EMC3: variants seen among roughly 807,000 people sequenced by gnomAD.
EMC3 encodes 30 kDa protein.
A neutral mutation model predicts 36.6 loss-of-function variants in EMC3; 13 were observed. That is an observed-to-expected ratio of 0.35 (90% CI 0.23 to 0.56). The LOEUF (loss-of-function observed/expected upper bound fraction) is 0.56. EMC3 is among the 20% of genes least tolerant of loss of function. The pLI is 0.84. For synonymous variants in EMC3, 120 were observed against 111.9 expected, an observed-to-expected ratio of 1.07 and a Z score of -0.46; for missense variants, 220 against 324.5, an observed-to-expected ratio of 0.68 and a Z score of 2.47.
At chr3:9,994,080 G>C (rs2086091890) in intron 1 of EMC3, 1 of 1,171,336 alleles carries the variant, frequency 8.5e-7, no homozygotes, top group Non-Finnish European at 1.3e-6. Context: ...GTTAAAATGA[G>C]AGTTGGGGAA....
upstream of EMC3, among the ~76,000 whole-genome samples, chr3:9,989,290 C>T (rs1379494937): frequency 6.6e-6 from 1 of 152,198 alleles, no homozygotes; most frequent in African/African-American, 2.4e-5. Context: ...GTGGCTCACG[C>T]CTATAATCCC....
chr3:9,998,649 T>C (rs1431151221), intron 1 of EMC3, among the ~76,000 whole-genome samples: 3 of 152,122 alleles, frequency 2.0e-5, no homozygotes, highest in African/African-American at 4.8e-5. Flanking sequence ...TCATTGTGGT[T>C]TGATTTGCAT....
At chr3:9,987,226 A>AAG (rs2085986855), upstream of EMC3, 1 of 984,792 alleles carries the variant, frequency 1.0e-6, no homozygotes, top group South Asian at 4.7e-5. Flanking sequence ...AAAAAAAAAA[A>AAG]AAAAAAGAAA....
upstream of EMC3, chr3:9,988,140 G>C (rs61678284): frequency 3.7e-6 from 2 of 546,612 alleles, no homozygotes; most frequent in Non-Finnish European, 6.6e-6. Context: ...TTTACATCTA[G>C]TATTATATCG....
At chr3:10,008,266 G>A (rs2086286107) in intron 1 of EMC3, 2 of 557,820 alleles carry the variant, frequency 3.6e-6, no homozygotes, top group Non-Finnish European at 6.0e-6. Flanking sequence ...TGTGACCTGT[G>A]GTAGAGCTTG....
rs764501701 is a variant in EMC3 at position 9,964,171 on chromosome 3, C to T, written c.684G>A (p.Thr228=). Residue 228 remains threonine, a synonymous_variant, in exon 8 of 8, where the codon ACG becomes ACA. Transcript: ENST00000245046. ...FKTEWEALEL[T]DHQWALDDVE... ...CATCATCTAGTGCCCACTGGTGATC[C>T]GTCAGCTCCAAAGCTTCCCACTCTG... 41 of 1,613,998 alleles carry T rather than the reference C, an allele frequency of 2.5e-5. No individual in the cohort carries two copies. Among genetic ancestry groups the T allele is most frequent in the South Asian group, 1.8e-4 (16 of 91,080 alleles).
intron 1 of EMC3, among the ~76,000 whole-genome samples, chr3:9,984,035 C>T (rs1432683193): frequency 6.6e-6 from 1 of 151,868 alleles, no homozygotes; most frequent in Non-Finnish European, 1.5e-5. Flanking sequence ...CTGAGCTTTC[C>T]CCACTTCGCA....
At chr3:10,010,546 C>T (rs1291473254) in intron 1 of EMC3, 1 of 152,730 alleles carries the variant, frequency 6.5e-6, no homozygotes, top group East Asian at 1.9e-4. Context: ...CCTGGTGTTT[C>T]CGTCATAGCC....
At chr3:9,984,074 A>G (rs2081077608) in intron 1 of EMC3, among the ~76,000 whole-genome samples, 1 of 151,874 alleles carries the variant, frequency 6.6e-6, no homozygotes. Flanking sequence ...TTCTGTGGTA[A>G]ATACACTTTT....
rs149744256 is a variant in EMC3, at chr3:10,003,397, C to T, written c.-242+7626G>A. 312 of 361,262 alleles carry T rather than the reference C, an allele frequency of 8.6e-4. 1 individual carries two copies. Among genetic ancestry groups the T allele is most frequent in the Non-Finnish European group, 1.4e-3 (263 of 183,374 alleles). 22.4% of individuals were successfully genotyped at this position (361,262 alleles called of 1,614,324 possible). On this transcript the variant is annotated intron_variant, in intron 1 of 8. Coordinates refer to the EMC3 transcript ENST00000470827. ...ATAAGATGACCCCAACATAGTTGCACGGCTGAAGACAAAAATCAAGTTGGT... is the reference window on the plus strand; with the variant it reads ...ATAAGATGACCCCAACATAGTTGCATGGCTGAAGACAAAAATCAAGTTGGT...
intron 5 of EMC3, 91 bp downstream of exon 5, chr3:9,973,537 C>T (rs1296416377): frequency 7.8e-6 from 9 of 1,157,456 alleles, no homozygotes. Context: ...GTTGCCCAGG[C>T]TGGTCTCAAA....
chr3:10,007,341 C>G, intron 1 of EMC3: 1 of 1,336,046 alleles, frequency 7.5e-7, no homozygotes, highest in South Asian at 1.2e-5. Context: ...CTGCCTGTGT[C>G]AATCATGCTG....
At chr3:9,993,883 C>T (rs74650336) in intron 1 of EMC3, among the ~76,000 whole-genome samples, 745 of 106,530 alleles carry the variant, frequency 7.0e-3, no homozygotes, top group African/African-American at 7.2e-3. Context: ...ATGAGGAAAC[C>T]GGGATTTAGA....
chr3:9,987,678 A>T (rs2085994384), upstream of EMC3: 15 of 331,400 alleles, frequency 4.5e-5, 1 homozygote, highest in South Asian at 4.5e-4. Context: ...AGCTGCTATA[A>T]GTTACATTTA....
At chr3:9,976,277 TG>T (rs1162604252) in intron 3 of EMC3, among the ~76,000 whole-genome samples, 1 of 152,034 alleles carries the variant, frequency 6.6e-6, no homozygotes, top group African/African-American at 2.4e-5. Flanking sequence ...GGCTAATTTT[TG>T]TATTTTTAGT....
chr3:9,973,185 G>GTTTT (rs199556467), intron 5 of EMC3, among the ~76,000 whole-genome samples: 21 of 148,068 alleles, frequency 1.4e-4, no homozygotes, highest in African/African-American at 5.0e-4. Context: ...TTTTGTTTTC[G>GTTTT]TTTTTTGTTT....
At chr3:9,985,150 T>C (rs531294150) in intron 1 of EMC3, among the ~76,000 whole-genome samples, 2 of 152,354 alleles carry the variant, frequency 1.3e-5, no homozygotes, top group Non-Finnish European at 1.5e-5. Flanking sequence ...TAATACTTTT[T>C]ATATATCAAC....
chr3:10,006,012 C>T (rs1399481388), intron 1 of EMC3, among the ~76,000 whole-genome samples: 1 of 152,192 alleles, frequency 6.6e-6, no homozygotes, highest in African/African-American at 2.4e-5. Flanking sequence ...GGGCAGAAGA[C>T]CGCCATTCTT....
chr3:9,966,844 G>A (rs2085740615), intron 7 of EMC3, among the ~76,000 whole-genome samples: 2 of 152,124 alleles, frequency 1.3e-5, no homozygotes, highest in South Asian at 4.1e-4. Flanking sequence ...CAAAGTGCTG[G>A]GATTAAGGTG....
Sources: allele counts gnomAD v4.1 joint callset (sites outside exome capture counted in the v4.1 genomes callset), GRCh38; gene constraint gnomAD v4.1.1; transcripts MANE v1.5; gene names NCBI Gene and HGNC (gene_info 2026-07-23, HGNC 2026-07-21).